The following BMPER variants were observed in gnomAD, a reference collection of about 807,000 sequenced individuals.
The protein encoded by BMPER is BMP binding endothelial regulator, also known as BMP-binding endothelial regulator protein.
In BMPER, 45 loss-of-function variants were observed where a neutral mutation model predicts 87.3. That is an observed-to-expected ratio of 0.52 (90% CI 0.41 to 0.66). BMPER has a LOEUF of 0.66. BMPER is among the 30% of genes least tolerant of loss of function. The probability of loss-of-function intolerance (pLI) is 0.00; values close to 1 mark genes in which losing one functional copy is unlikely to be tolerated. For missense variants in BMPER, 784 were observed against 867.5 expected, an observed-to-expected ratio of 0.90 and a Z score of 1.21; for synonymous variants, 326 against 316.2, an observed-to-expected ratio of 1.03 and a Z score of -0.33.
chr7:34,125,484 A>G (rs1790377752), intron 13 of BMPER, among the ~76,000 whole-genome samples: 3 of 151,896 alleles, frequency 2.0e-5, no homozygotes, highest in African/African-American at 7.3e-5. Flanking sequence ...TGTTTCTCTC[A>G]TTCTATTTTA....
At chr7:34,097,403 G>A (rs1789556922) in intron 13 of BMPER, among the ~76,000 whole-genome samples, 1 of 152,228 alleles carries the variant, frequency 6.6e-6, no homozygotes, top group South Asian at 2.1e-4. Flanking sequence ...ACCAGACATG[G>A]AGGGGGCACG....
intron 7 of BMPER, among the ~76,000 whole-genome samples, chr7:34,048,437 T>G (rs973950910): frequency 5.9e-5 from 9 of 152,166 alleles, no homozygotes; most frequent in African/African-American, 1.9e-4. Context: ...TTAAAGACAT[T>G]TTCACTTCTG....
At chr7:34,101,006 C>T (rs1789667249) in intron 13 of BMPER, among the ~76,000 whole-genome samples, 1 of 152,166 alleles carries the variant, frequency 6.6e-6, no homozygotes, top group Non-Finnish European at 1.5e-5. Context: ...TCCCAGGCCC[C>T]ACCCCAGGCC....
intron 6 of BMPER, among the ~76,000 whole-genome samples, chr7:33,982,449 G>A (rs1030864402): frequency 2.0e-5 from 3 of 151,778 alleles, no homozygotes; most frequent in African/African-American, 7.3e-5. Context: ...AATTGCTGCA[G>A]TGTTCCATTC....
At chr7:33,920,418 GTGTTTTTT>G (rs1784194667) in intron 2 of BMPER, among the ~76,000 whole-genome samples, 4 of 99,940 alleles carry the variant, frequency 4.0e-5, no homozygotes, top group South Asian at 3.8e-4. Context: ...AAACTCCGTT[GTGTTTTTT>G]TTTTTTTTTT....
intron 6 of BMPER, among the ~76,000 whole-genome samples, chr7:34,020,354 G>A (rs1041593088): frequency 1.3e-5 from 2 of 151,952 alleles, no homozygotes; most frequent in Non-Finnish European, 2.9e-5. Context: ...TTAAGGGATG[G>A]GGGCACAGTC....
chr7:34,004,642 C>T (rs1786676822), intron 6 of BMPER, among the ~76,000 whole-genome samples: 1 of 152,152 alleles, frequency 6.6e-6, no homozygotes. Flanking sequence ...AGTCTGTATT[C>T]TCTGTCATGT....
chr7:33,951,879 G>A (rs1038138917), intron 3 of BMPER, among the ~76,000 whole-genome samples: 3 of 152,086 alleles, frequency 2.0e-5, no homozygotes, highest in Admixed American at 2.0e-4. Context: ...GATAGGGAGC[G>A]AATGAGAATG....
chr7:34,004,891 C>T (rs1786684727), intron 6 of BMPER, among the ~76,000 whole-genome samples: 1 of 152,084 alleles, frequency 6.6e-6, no homozygotes, highest in African/African-American at 2.4e-5. Context: ...GTTTCTTGGG[C>T]ATGCGTGGTG....
chr7:34,103,767 G>A (rs1443564356), intron 13 of BMPER, among the ~76,000 whole-genome samples: 1 of 152,146 alleles, frequency 6.6e-6, no homozygotes, highest in Non-Finnish European at 1.5e-5. Context: ...GGTTTGAAGA[G>A]CTGCTATAAA....
At chr7:34,002,344 G>A (rs949600275) in intron 6 of BMPER, among the ~76,000 whole-genome samples, 1 of 151,690 alleles carries the variant, frequency 6.6e-6, no homozygotes, top group African/African-American at 2.4e-5. Context: ...TTATAAAATA[G>A]GCTTTGGGTT....
chr7:33,970,248 C>A (rs1481141738), intron 4 of BMPER, 81 bp from the exon 5 acceptor site: 3 of 1,412,536 alleles, frequency 2.1e-6, no homozygotes, highest in East Asian at 4.6e-5. Context: ...TTGAGCACTT[C>A]TCCTACTTAG....
chr7:34,094,619 G>A (rs1789481804), intron 13 of BMPER, among the ~76,000 whole-genome samples: 2 of 152,346 alleles, frequency 1.3e-5, no homozygotes, highest in East Asian at 3.9e-4. Flanking sequence ...CAGCCAGACT[G>A]CCTGGGTCAA....
intron 3 of BMPER, among the ~76,000 whole-genome samples, chr7:33,963,610 ATGGTGAAACCC>A (rs1785326798): frequency 6.6e-6 from 1 of 152,118 alleles, no homozygotes; most frequent in Admixed American, 6.5e-5. Context: ...CCTGGCCAAC[ATGGTGAAACCC>A]TGTCTCTACT....
chr7:33,914,231 C>T (rs887680597), intron 2 of BMPER, among the ~76,000 whole-genome samples: 24 of 152,240 alleles, frequency 1.6e-4, no homozygotes, highest in African/African-American at 5.8e-4. Flanking sequence ...TCCCAAAGTG[C>T]TGGGACTACA....
intron 3 of BMPER, among the ~76,000 whole-genome samples, chr7:33,941,483 A>G (rs1297274463): frequency 6.6e-6 from 1 of 152,012 alleles, no homozygotes; most frequent in Non-Finnish European, 1.5e-5. Context: ...AATGTGTCAT[A>G]TATAACTCAC....
intron 2 of BMPER, among the ~76,000 whole-genome samples, chr7:33,909,287 C>G (rs1783896177): frequency 6.6e-6 from 1 of 152,058 alleles, no homozygotes; most frequent in African/African-American, 2.4e-5. Context: ...TTGTCTGCCT[C>G]TAGAGCACAT....
intron 2 of BMPER, among the ~76,000 whole-genome samples, chr7:33,928,220 T>C (rs939774056): frequency 8.5e-5 from 13 of 152,268 alleles, no homozygotes; most frequent in African/African-American, 2.9e-4. Flanking sequence ...ACCCTCTCGG[T>C]TCACATGCCT....
At chr7:34,088,879 C>G (rs1209114228) in intron 13 of BMPER, among the ~76,000 whole-genome samples, 2 of 152,166 alleles carry the variant, frequency 1.3e-5, no homozygotes, top group Admixed American at 6.6e-5. Flanking sequence ...ATCTGTGGAA[C>G]AATCTCAAAA....
Sources: allele counts gnomAD v4.1 joint callset (sites outside exome capture counted in the v4.1 genomes callset), GRCh38; gene constraint gnomAD v4.1.1; transcripts MANE v1.5; gene names NCBI Gene and HGNC (gene_info 2026-07-23, HGNC 2026-07-21).